Variants in RHBDD1 observed in about 807,000 individuals in gnomAD.
The protein encoded by RHBDD1 is rhomboid-related protein 4.
In RHBDD1, 38 loss-of-function variants were observed where a neutral mutation model predicts 36.3. The observed-to-expected ratio is 1.05, with a 90% CI of 0.81 to 1.37. The LOEUF (loss-of-function observed/expected upper bound fraction) is 1.37. Ranked by LOEUF, RHBDD1 falls within the 40% of genes most tolerant of loss-of-function variation. The pLI is 0.00. For missense variants in RHBDD1, 393 were observed against 377.6 expected (o/e 1.04, Z -0.34); for synonymous variants, 151 against 136.5 (o/e 1.11, Z -0.74).
At chr2:226,988,909 A>G (rs1020187925) in intron 8 of RHBDD1, among the ~76,000 whole-genome samples, 1 of 152,228 alleles carries the variant, frequency 6.6e-6, no homozygotes, top group Non-Finnish European at 1.5e-5. Flanking sequence ...AGTTATCCAA[A>G]ATAAAGCCTT....
rs1012057758 is a variant in RHBDD1, at chr2:226,956,873, G to A, written c.857-38558G>A. ...TAGACCAGCTCTTTGGCAATGTGAT[G>A]TTTCAAGGCCAAATCAGCCCTTATT... On this transcript the variant is annotated intron_variant, in intron 8 of 8. Transcript: ENST00000392062. Among the ~76,000 whole-genome samples, 5 of 152,200 alleles carry A rather than the reference G, an allele frequency of 3.3e-5. No individual in the cohort carries two copies. In the East Asian group the frequency reaches 7.7e-4, roughly 23 times the overall value.
intron 8 of RHBDD1, among the ~76,000 whole-genome samples, chr2:226,986,831 A>C (rs1957058183): frequency 6.6e-6 from 1 of 152,252 alleles, no homozygotes; most frequent in African/African-American, 2.4e-5. Context: ...ATTACTGGGT[A>C]TATACCCAAA....
chr2:226,913,258 A>C (rs1007907697), intron 7 of RHBDD1, among the ~76,000 whole-genome samples: 1 of 152,204 alleles, frequency 6.6e-6, no homozygotes, highest in Non-Finnish European at 1.5e-5. Context: ...AAGGTTAGGA[A>C]TCTTCATCAA....
At chr2:226,928,798 G>A (rs1391566917) in intron 8 of RHBDD1, among the ~76,000 whole-genome samples, 4 of 151,820 alleles carry the variant, frequency 2.6e-5, no homozygotes, top group Admixed American at 2.6e-4. Context: ...CAAATAAGCT[G>A]AATTAGAAAT....
intron 8 of RHBDD1, among the ~76,000 whole-genome samples, chr2:226,943,914 T>C (rs908837478): frequency 6.6e-6 from 1 of 152,220 alleles, no homozygotes; most frequent in African/African-American, 2.4e-5. Context: ...TAAACAGTGC[T>C]TCTTGGTCTG....
intron 3 of RHBDD1, among the ~76,000 whole-genome samples, chr2:226,847,311 C>T (rs1942329139): frequency 6.6e-6 from 1 of 152,200 alleles, no homozygotes; most frequent in Non-Finnish European, 1.5e-5. Flanking sequence ...GGTAACAGCA[C>T]ATGCATGCTA....
At chr2:226,840,352 A>G (rs1941475467) in intron 3 of RHBDD1, among the ~76,000 whole-genome samples, 1 of 152,172 alleles carries the variant, frequency 6.6e-6, no homozygotes, top group African/African-American at 2.4e-5. Context: ...TCCGGTTTGC[A>G]TGTTGGGGTT....
chr2:226,872,323 A>G (rs1032692627), intron 5 of RHBDD1, among the ~76,000 whole-genome samples: 3 of 152,376 alleles, frequency 2.0e-5, no homozygotes, highest in Non-Finnish European at 4.4e-5. Flanking sequence ...ATAATATAAT[A>G]TTAATTCCCT....
At chr2:226,817,678 A>G in the RHBDD1 span, among the ~76,000 whole-genome samples, 3 of 152,204 alleles carry the variant, frequency 2.0e-5, no homozygotes, top group African/African-American at 7.2e-5. Flanking sequence ...AAGAATAGGG[A>G]AGATAATAGA....
At chr2:226,930,862 A>G (rs1488702886) in intron 8 of RHBDD1, among the ~76,000 whole-genome samples, 2 of 152,042 alleles carry the variant, frequency 1.3e-5, no homozygotes, top group African/African-American at 4.8e-5. Context: ...ATACATACAA[A>G]TGACCAAGAA....
intron 8 of RHBDD1, among the ~76,000 whole-genome samples, chr2:226,927,986 T>C (rs1033859205): frequency 6.6e-6 from 1 of 152,112 alleles, no homozygotes; most frequent in Non-Finnish European, 1.5e-5. Context: ...GTGTCAAGCA[T>C]TTAGTGTTGT....
intron 3 of RHBDD1, among the ~76,000 whole-genome samples, chr2:226,844,628 C>A (rs1158882750): frequency 1.3e-5 from 2 of 152,098 alleles, no homozygotes; most frequent in Non-Finnish European, 2.9e-5. Flanking sequence ...GCAGAGTAAA[C>A]CTGAATATGG....
At chr2:226,958,612 G>T (rs1037265476) in intron 8 of RHBDD1, among the ~76,000 whole-genome samples, 2 of 151,748 alleles carry the variant, frequency 1.3e-5, no homozygotes, top group African/African-American at 4.8e-5. Context: ...CTTAAAGTAG[G>T]TATATCATCC....
At position 226,865,037 on chromosome 2, in the gene RHBDD1, C is replaced by T; in HGVS notation, c.344C>T (p.Thr115Ile). The T allele has an allele frequency of 3.1e-6, 5 of 1,614,160 alleles. No individual in the cohort carries two copies. The highest frequency in any genetic ancestry group is 1.6e-4 in the Middle Eastern group (1 of 6,062). The part of the protein sequence containing the change: ...AYVITAFSVL[T>I]GVVYLLLQFA... ...GTTATCACCGCATTTTCTGTACTTA[C>T]TGGAGTGGTATACCTGCTCTTGCAA... Residue 115 changes from threonine to isoleucine, a missense_variant, in exon 4 of 9, where the codon ACT (threonine) becomes ATT (isoleucine). Transcript: ENST00000392062.
intron 8 of RHBDD1, among the ~76,000 whole-genome samples, chr2:226,991,230 A>C (rs1559362120): frequency 6.6e-6 from 1 of 152,166 alleles, no homozygotes; most frequent in Non-Finnish European, 1.5e-5. Context: ...TGCCAGGCTG[A>C]AGTGCAGTGG....
intron 5 of RHBDD1, among the ~76,000 whole-genome samples, chr2:226,904,347 C>T (rs1290776730): frequency 6.9e-6 from 1 of 144,294 alleles, no homozygotes; most frequent in African/African-American, 2.6e-5. Context: ...CTCCCCTTCC[C>T]GTAAGGGGTT....
At chr2:226,802,296 T>C in the RHBDD1 span, among the ~76,000 whole-genome samples, 20 of 152,202 alleles carry the variant, frequency 1.3e-4, no homozygotes, top group Non-Finnish European at 2.9e-4. Flanking sequence ...CTGTGACAAA[T>C]TATGTTCAGA....
At chr2:226,828,459 AGTAAGT>A in the RHBDD1 span, among the ~76,000 whole-genome samples, 1 of 152,226 alleles carries the variant, frequency 6.6e-6, no homozygotes, top group African/African-American at 2.4e-5. Flanking sequence ...TGGGTTGTAT[AGTAAGT>A]GTATGTTTAA....
At chr2:226,850,466 G>C (rs936020183) in intron 3 of RHBDD1, among the ~76,000 whole-genome samples, 5 of 151,964 alleles carry the variant, frequency 3.3e-5, no homozygotes, top group African/African-American at 7.3e-5. Context: ...AAAACTGTTC[G>C]GGTTGGATTT....
Sources: allele counts gnomAD v4.1 joint callset (sites outside exome capture counted in the v4.1 genomes callset), GRCh38; gene constraint gnomAD v4.1.1; transcripts MANE v1.5; gene names NCBI Gene and HGNC (gene_info 2026-07-23, HGNC 2026-07-21).